TNFAIP8: variants seen among roughly 807,000 people sequenced by gnomAD.
The protein encoded by TNFAIP8 is TNF alpha induced protein 8.
TNFAIP8 carries 7 observed loss-of-function variants against 13.3 expected under a neutral mutation model. The ratio of observed to expected loss-of-function variants is 0.52; its 90% CI spans 0.30 to 0.99. The LOEUF (loss-of-function observed/expected upper bound fraction) is 0.99, where lower values mean the gene tolerates loss of function less well. Ranked by LOEUF, TNFAIP8 falls within the 50% of genes least tolerant of loss-of-function variation. The pLI is 0.07. For synonymous variants in TNFAIP8, 94 were observed against 87.6 expected (o/e 1.07, Z -0.41); for missense variants, 258 against 236.9 (o/e 1.09, Z -0.58).
intron 1 of TNFAIP8, among the ~76,000 whole-genome samples, chr5:119,368,157 AT>A (rs1270155990): frequency 1.3e-5 from 2 of 151,856 alleles, no homozygotes; most frequent in African/African-American, 2.4e-5. Context: ...TTGAAATAGC[AT>A]TTTTTTCCCC....
chr5:119,308,871 A>G (rs1203059365), intron 1 of TNFAIP8, among the ~76,000 whole-genome samples: 1 of 151,968 alleles, frequency 6.6e-6, no homozygotes, highest in East Asian at 1.9e-4. Flanking sequence ...AAAAAAAAAA[A>G]AAAGACCATT....
chr5:119,395,095 G>A lies in TNFAIP8; in HGVS notation c.*1714G>A, dbSNP rs1753042882. ...TGCTTGGCTAAGACAAGCAGCAAAG[G>A]TGTAGAGTTTCTTCCTGTTTGATAT... is the stretch of plus-strand genomic sequence containing the variant. On this transcript the variant is annotated 3_prime_UTR_variant, in exon 2 of 2. Coordinates refer to ENST00000504771, the MANE Select transcript of TNFAIP8 (RefSeq NM_014350.4). 6.6e-6 allele frequency: 1 copy of A among 152,206 alleles called. No homozygotes were observed. Among genetic ancestry groups the A allele is most frequent in the African/African-American group, 2.4e-5 (1 of 41,450 alleles). 9.4% of individuals were successfully genotyped at this position (152,206 alleles called of 1,614,324 possible).
At chr5:119,373,677 G>A (rs1340717050) in intron 1 of TNFAIP8, among the ~76,000 whole-genome samples, 5 of 152,230 alleles carry the variant, frequency 3.3e-5, no homozygotes, top group Non-Finnish European at 5.9e-5. Context: ...AAGACTGGAC[G>A]TGTGGTTGTT....
chr5:119,304,659 G>A (rs1218225619), intron 1 of TNFAIP8, among the ~76,000 whole-genome samples: 3 of 152,196 alleles, frequency 2.0e-5, no homozygotes, highest in Non-Finnish European at 4.4e-5. Context: ...TCACTTCTAT[G>A]AGATGAAAGT....
chr5:119,345,316 T>G (rs1377860358), intron 1 of TNFAIP8, among the ~76,000 whole-genome samples: 1 of 152,182 alleles, frequency 6.6e-6, no homozygotes, highest in Non-Finnish European at 1.5e-5. Flanking sequence ...GAAAACAATA[T>G]GACAGTTCCT....
At chr5:119,355,618 T>G (rs1751364775), upstream of TNFAIP8, 1 of 560,612 alleles carries the variant, frequency 1.8e-6, no homozygotes, top group African/African-American at 1.9e-5. Context: ...ACAGAGGCAT[T>G]GGTTCTACCC....
chr5:119,331,915 C>T (rs7704386), intron 1 of TNFAIP8, among the ~76,000 whole-genome samples: 30 of 152,088 alleles, frequency 2.0e-4, no homozygotes, highest in Non-Finnish European at 4.4e-5. Context: ...TCACAGCCTG[C>T]GAAGTCCTTG....
intron 1 of TNFAIP8, among the ~76,000 whole-genome samples, chr5:119,390,858 G>C (rs1403973241): frequency 6.6e-6 from 1 of 151,892 alleles, no homozygotes; most frequent in East Asian, 1.9e-4. Flanking sequence ...TCACTTTGTT[G>C]CCCAGGCTGG....
chr5:119,350,523 T>C (rs2112754533), intron 1 of TNFAIP8, among the ~76,000 whole-genome samples: 1 of 152,338 alleles, frequency 6.6e-6, no homozygotes, highest in Non-Finnish European at 1.5e-5. Context: ...TTTTCTGACC[T>C]GATTTGGAGA....
At chr5:119,311,285 A>T (rs973306613) in intron 1 of TNFAIP8, among the ~76,000 whole-genome samples, 1 of 152,076 alleles carries the variant, frequency 6.6e-6, no homozygotes, top group Non-Finnish European at 1.5e-5. Flanking sequence ...TGGCCTCCCA[A>T]AGTGCTGAGA....
At chr5:119,364,607 C>CA (rs1244722476) in intron 1 of TNFAIP8, among the ~76,000 whole-genome samples, 1 of 152,136 alleles carries the variant, frequency 6.6e-6, no homozygotes, top group Non-Finnish European at 1.5e-5. Flanking sequence ...CTTGGCCTAC[C>CA]AAAGTGCTAG....
chr5:119,292,052 T>C (rs1749005071), intron 1 of TNFAIP8, among the ~76,000 whole-genome samples: 1 of 152,172 alleles, frequency 6.6e-6, no homozygotes, highest in African/African-American at 2.4e-5. Flanking sequence ...CGGAAGCGAT[T>C]GATTTGCTCA....
chr5:119,356,395 G>T (rs919374989), intron 1 of TNFAIP8, among the ~76,000 whole-genome samples: 1 of 152,116 alleles, frequency 6.6e-6, no homozygotes, highest in East Asian at 1.9e-4. Context: ...CTCTGGAAAC[G>T]AAAGAGCCCC....
chr5:119,367,661 C>G (rs1364762857), intron 1 of TNFAIP8, among the ~76,000 whole-genome samples: 1 of 152,188 alleles, frequency 6.6e-6, no homozygotes, highest in South Asian at 2.1e-4. Context: ...AGCTACTAAA[C>G]TTGGCAGTTT....
intron 1 of TNFAIP8, among the ~76,000 whole-genome samples, chr5:119,314,065 T>C (rs940101005): frequency 1.3e-5 from 2 of 152,190 alleles, no homozygotes; most frequent in Admixed American, 6.5e-5. Flanking sequence ...TCATGACACA[T>C]GCCTGGCATT....
chr5:119,385,882 T>G (rs1385421836), intron 1 of TNFAIP8, among the ~76,000 whole-genome samples: 1 of 152,240 alleles, frequency 6.6e-6, no homozygotes, highest in African/African-American at 2.4e-5. Flanking sequence ...AGGGATTGTG[T>G]GAAACACATC....
chr5:119,391,583 A>G lies in TNFAIP8; in HGVS notation c.32-1233A>G, dbSNP rs1752892206. On this transcript the variant is annotated intron_variant, in intron 1 of 1. Coordinates refer to ENST00000504771, the MANE Select transcript of TNFAIP8 (RefSeq NM_014350.4). Reference sequence around the variant, plus strand: ...GAGACCAGCCTGGCCAACATGGTGAAACCCCGTCTCTACTGAAAATACACA... The same window carrying G: ...GAGACCAGCCTGGCCAACATGGTGAGACCCCGTCTCTACTGAAAATACACA... 7.4e-6 allele frequency: 4 copies of G among 539,822 alleles called. No homozygotes were observed. The Admixed American group carries it at 1.1e-4, about 15-fold the overall frequency. The allele number at this position is 539,822 out of a possible 1,614,324, so 33.4% of individuals were successfully genotyped here. A position where few individuals can be genotyped will look rare whatever the true frequency, so the allele number is the denominator to read the frequency against.
At chr5:119,321,900 C>G (rs1004916333) in intron 1 of TNFAIP8, among the ~76,000 whole-genome samples, 2 of 152,208 alleles carry the variant, frequency 1.3e-5, no homozygotes, top group Non-Finnish European at 2.9e-5. Context: ...CATGTGGCCT[C>G]TGCCCAATTC....
intron 1 of TNFAIP8, among the ~76,000 whole-genome samples, chr5:119,386,829 T>A (rs1406378214): frequency 1.3e-5 from 2 of 152,222 alleles, no homozygotes; most frequent in African/African-American, 4.8e-5. Context: ...ATTTTGGGAT[T>A]AAGGTGCCTG....
Sources: gnomAD v4.1 joint callset for allele counts (sites outside exome capture counted in the v4.1 genomes callset) on GRCh38, gnomAD v4.1.1 for gene constraint, MANE v1.5 for transcripts, NCBI Gene and HGNC (gene_info 2026-07-23, HGNC 2026-07-21) for gene names.